SCFD2: variants seen among roughly 807,000 people sequenced by gnomAD.
SCFD2 encodes the protein sec1 family domain containing 2.
SCFD2 carries 54 observed loss-of-function variants against 58.9 expected under a neutral mutation model. That is an observed-to-expected ratio of 0.92 (90% confidence interval 0.74 to 1.15). The LOEUF is 1.15. Among genes scored for constraint, SCFD2 ranks in the 50% most tolerant of loss-of-function variants. The pLI is 0.00. For synonymous variants in SCFD2, 321 were observed against 335.9 expected (o/e 0.96, Z 0.49); for missense variants, 805 against 836.6 (o/e 0.96, Z 0.47).
chr4:53,065,637 C>A (rs1350009457), intron 5 of SCFD2, among the ~76,000 whole-genome samples: 1 of 152,014 alleles, frequency 6.6e-6, no homozygotes, highest in Non-Finnish European at 1.5e-5. Context: ...TATTCAAGAG[C>A]ATTACTATTC....
intron 4 of SCFD2, among the ~76,000 whole-genome samples, chr4:53,267,368 A>C (rs1731021078): frequency 6.6e-6 from 1 of 152,186 alleles, no homozygotes; most frequent in East Asian, 1.9e-4. Flanking sequence ...TTGTTAAACT[A>C]ATGGATGAGT....
At chr4:53,345,237 T>G (rs1299529819) in intron 2 of SCFD2, among the ~76,000 whole-genome samples, 13 of 151,998 alleles carry the variant, frequency 8.6e-5, no homozygotes, top group Admixed American at 8.5e-4. Context: ...TACAAAGAAC[T>G]TAAACAAATT....
At chr4:52,894,912 A>T (rs1718963824) in intron 7 of SCFD2, among the ~76,000 whole-genome samples, 1 of 152,218 alleles carries the variant, frequency 6.6e-6, no homozygotes. Context: ...AAGTATTTTT[A>T]AAAATGTTAT....
chr4:52,928,122 G>T (rs1334675059), intron 5 of SCFD2, among the ~76,000 whole-genome samples: 1 of 151,808 alleles, frequency 6.6e-6, no homozygotes, highest in East Asian at 1.9e-4. Context: ...ATCACTTGAG[G>T]CTAGGAGTTT....
At chr4:53,340,118 G>T (rs1274700969) in intron 2 of SCFD2, among the ~76,000 whole-genome samples, 1 of 152,066 alleles carries the variant, frequency 6.6e-6, no homozygotes, top group Non-Finnish European at 1.5e-5. Flanking sequence ...GACAGTGGGG[G>T]CAGGACAGTG....
At chr4:53,164,911 C>A (rs573188456) in intron 4 of SCFD2, among the ~76,000 whole-genome samples, 1 of 152,062 alleles carries the variant, frequency 6.6e-6, no homozygotes, top group Non-Finnish European at 1.5e-5. Context: ...AGATAAATTC[C>A]TCACCAGCTT....
intron 1 of SCFD2, among the ~76,000 whole-genome samples, chr4:53,361,327 C>T (rs1734542963): frequency 6.6e-6 from 1 of 152,294 alleles, no homozygotes; most frequent in African/African-American, 2.4e-5. Context: ...TATCTTAATT[C>T]TTAAAATGAT....
intron 4 of SCFD2, among the ~76,000 whole-genome samples, chr4:53,166,994 T>G (rs958472904): frequency 1.3e-5 from 2 of 152,166 alleles, no homozygotes; most frequent in African/African-American, 4.8e-5. Flanking sequence ...GGCCTTTACC[T>G]CCTATGAGAA....
chr4:53,300,130 T>C (rs1202920305), intron 3 of SCFD2, among the ~76,000 whole-genome samples: 4 of 152,002 alleles, frequency 2.6e-5, no homozygotes, highest in Non-Finnish European at 5.9e-5. Flanking sequence ...GGCTAAATGC[T>C]CCAATTAAAA....
chr4:53,250,323 G>C (rs894900491), intron 4 of SCFD2, among the ~76,000 whole-genome samples: 2 of 152,126 alleles, frequency 1.3e-5, no homozygotes, highest in African/African-American at 4.8e-5. Flanking sequence ...GACCTACAAA[G>C]AGACTTAGAC....
chr4:52,946,105 C>CT (rs1165475461), intron 5 of SCFD2, among the ~76,000 whole-genome samples: 1 of 152,156 alleles, frequency 6.6e-6, no homozygotes, highest in Non-Finnish European at 1.5e-5. Flanking sequence ...CAATAAGACT[C>CT]TTGCTTCAAA....
intron 4 of SCFD2, among the ~76,000 whole-genome samples, chr4:53,227,795 T>A (rs565419363): frequency 6.6e-6 from 1 of 152,238 alleles, no homozygotes; most frequent in East Asian, 1.9e-4. Context: ...CTGCAAAAAA[T>A]CAAAAATTAT....
chr4:53,323,292 C>G (rs1733078442), intron 2 of SCFD2, among the ~76,000 whole-genome samples: 1 of 152,202 alleles, frequency 6.6e-6, no homozygotes, highest in South Asian at 2.1e-4. Context: ...ATGTTTTGTA[C>G]TATCTCCTTT....
chr4:53,234,306 G>A (rs537083802), intron 4 of SCFD2, among the ~76,000 whole-genome samples: 20 of 152,272 alleles, frequency 1.3e-4, no homozygotes, highest in Admixed American at 1.3e-3. Context: ...TCCACTATTT[G>A]GAAGTGACAC....
intron 8 of SCFD2, among the ~76,000 whole-genome samples, chr4:52,876,477 C>T (rs913374483): frequency 2.6e-5 from 4 of 151,954 alleles, no homozygotes; most frequent in East Asian, 1.9e-4. Context: ...GAACTGGGTG[C>T]GGTGGCTCAC....
chr4:52,890,877 C>G (rs1287976293), intron 7 of SCFD2, among the ~76,000 whole-genome samples: 4 of 152,116 alleles, frequency 2.6e-5, no homozygotes, highest in Admixed American at 6.5e-5. Flanking sequence ...GCTGCTGCTT[C>G]CAGTTTCTAG....
intron 5 of SCFD2, among the ~76,000 whole-genome samples, chr4:53,013,976 T>C (rs1325428762): frequency 1.3e-5 from 2 of 152,202 alleles, no homozygotes; most frequent in African/African-American, 4.8e-5. Flanking sequence ...AGATGCTATA[T>C]GAGAGAGCAA....
At chr4:53,158,096 G>T (rs1038375425) in intron 4 of SCFD2, among the ~76,000 whole-genome samples, 2 of 152,098 alleles carry the variant, frequency 1.3e-5, no homozygotes, top group Non-Finnish European at 2.9e-5. Flanking sequence ...CAGAACCTTA[G>T]CCCAGGTTAA....
At chr4:53,353,150 T>C (rs1025837276) in intron 1 of SCFD2, among the ~76,000 whole-genome samples, 2 of 152,206 alleles carry the variant, frequency 1.3e-5, no homozygotes, top group African/African-American at 2.4e-5. Context: ...TGTTCGGACA[T>C]GTTCAGAGTT....
Sources: gnomAD v4.1 joint callset for allele counts (sites outside exome capture counted in the v4.1 genomes callset) on GRCh38, gnomAD v4.1.1 for gene constraint, MANE v1.5 for transcripts, NCBI Gene and HGNC (gene_info 2026-07-23, HGNC 2026-07-21) for gene names.